PHLDB3: variants seen among roughly 807,000 people sequenced by gnomAD.
The protein encoded by PHLDB3 is pleckstrin homology-like domain family B member 3.
In PHLDB3, 86 loss-of-function variants were observed where a neutral mutation model predicts 85.7. The ratio of observed to expected loss-of-function variants is 1.00; its 90% CI spans 0.84 to 1.20. PHLDB3 has a LOEUF of 1.20. Ranked by LOEUF, PHLDB3 falls within the 50% of genes most tolerant of loss-of-function variation. PHLDB3 has a pLI of 0.00. For synonymous variants in PHLDB3, 376 were observed against 349.8 expected, an observed-to-expected ratio of 1.07 and a Z score of -0.83; for missense variants, 995 against 873.0, an observed-to-expected ratio of 1.14 and a Z score of -1.76.
chr19:43,497,328 C>T (rs769546267), intron 5 of PHLDB3, 49 bp from the exon 6 acceptor site: 2 of 1,339,982 alleles, frequency 1.5e-6, no homozygotes, highest in Non-Finnish European at 1.9e-6. Flanking sequence ...CCTAAGACCC[C>T]AGGGAGTAGT....
intron 9 of PHLDB3, among the ~76,000 whole-genome samples, chr19:43,494,063 C>T (rs1359945008): frequency 6.6e-6 from 1 of 152,140 alleles, no homozygotes; most frequent in East Asian, 1.9e-4. Flanking sequence ...GACAAAGTCT[C>T]ACTCTGTCGC....
intron 9 of PHLDB3, among the ~76,000 whole-genome samples, chr19:43,490,729 AC>A (rs1167003776): frequency 6.6e-6 from 1 of 152,070 alleles, no homozygotes; most frequent in Non-Finnish European, 1.5e-5. Flanking sequence ...GCACTGAGGA[AC>A]CAAGTGGGCA....
chr19:43,480,292 AGGAG>A (rs1238780345), intron 13 of PHLDB3, among the ~76,000 whole-genome samples: 1 of 126,604 alleles, frequency 7.9e-6, no homozygotes. Context: ...AAAAAAAAAA[AGGAG>A]AGAGAGAAGA....
Position 43,475,332 on chromosome 19 carries a change from G to C in PHLDB3, c.*78C>G. On this transcript the variant is annotated 3_prime_UTR_variant, in exon 16 of 16. Transcript: ENST00000292140. ...CGGTGCGTCCAAGTTTTCCGGCAGT[G>C]GGCGGGGCCTAGGAACGCCCCCGCG... 1 of 1,549,832 alleles carries C rather than the reference G, an allele frequency of 6.5e-7. No individual in the cohort carries two copies. Among genetic ancestry groups the C allele is most frequent in the South Asian group, 1.2e-5 (1 of 85,130 alleles).
chr19:43,502,611 G>A (rs1487434475), intron 2 of PHLDB3, among the ~76,000 whole-genome samples: 4 of 140,444 alleles, frequency 2.8e-5, no homozygotes, highest in African/African-American at 1.1e-4. Flanking sequence ...GCCACGCCAA[G>A]CTCTTTTTTT....
In PHLDB3 at chr19:43,502,218, C is replaced by A; in HGVS notation, c.279G>T (p.Gly93=). The change falls in exon 3 of 16, where the codon GGG becomes GGT. Residue 93 remains glycine (G), a synonymous_variant. Coordinates refer to ENST00000292140, the MANE Select transcript of PHLDB3 (RefSeq NM_198850.4). ...GCAGGCGCCGCGCCGCCCCTCGCAC[C>A]CCTTCCCGCGAAGAGGTGGATGCGG... is the stretch of plus-strand genomic sequence containing the variant. The part of the protein sequence containing the change: ...TPPASTSSRE[G]VRGAARRLQG... 1.3e-6 allele frequency: 2 copies of A among 1,564,758 alleles called. No individual in the cohort carries two copies. Among genetic ancestry groups the A allele is most frequent in the African/African-American group, 1.4e-5 (1 of 73,702 alleles).
rs1168390589 is a variant in PHLDB3 at position 43,502,090 on chromosome 19, C to T, written c.396+11G>A. 2 of 1,562,982 alleles carry T rather than the reference C, an allele frequency of 1.3e-6. No homozygotes were observed. The highest frequency in any genetic ancestry group is 4.8e-5 in the East Asian group (2 of 41,706). On this transcript the variant is annotated intron_variant, in intron 3 of 15. Transcript: ENST00000292140. Reference sequence around the variant, plus strand: ...TTGGGGCCAGGCTTCCCAAGGGGTCCGCAGCCTCACCTCGATCCTCAGCTC... The same window carrying T: ...TTGGGGCCAGGCTTCCCAAGGGGTCTGCAGCCTCACCTCGATCCTCAGCTC...
rs1179582577 is a variant in PHLDB3, at chr19:43,486,776, T to G, written c.1340+4A>C. The G allele has an allele frequency of 6.2e-7, 1 of 1,605,152 alleles. No individual in the cohort carries two copies. The highest frequency in any genetic ancestry group is 1.7e-5 in the Admixed American group (1 of 59,358). Reference sequence around the variant, plus strand: ...ATCTCCCCACCTTCTCTCTGATGTCTCACCTATTCCCACGGCCACAGTTCA... The same window carrying G: ...ATCTCCCCACCTTCTCTCTGATGTCGCACCTATTCCCACGGCCACAGTTCA... On this transcript the variant is annotated splice_donor_region_variant and intron_variant, in intron 11 of 15. Transcript: ENST00000292140.
intron 15 of PHLDB3, 24 bp from the exon 16 acceptor site, chr19:43,475,568 TAATTCA>T: frequency 6.2e-7 from 1 of 1,613,368 alleles, no homozygotes; most frequent in African/African-American, 1.3e-5. Context: ...AAAGTGAGGG[TAATTCA>T]GACAAAAGAC....
rs748251534 is a variant in PHLDB3 at position 43,503,943 on chromosome 19, A to G, written c.176T>C (p.Val59Ala). The change falls in exon 2 of 16, where the codon GTG becomes GCG. Residue 59 changes from valine to alanine, a missense_variant. Coordinates refer to ENST00000292140, the MANE Select transcript of PHLDB3 (RefSeq NM_198850.4). Reference protein sequence around the residue: ...GAEQQAEEEEVGEGSSTESSR... With the variant: ...GAEQQAEEEEAGEGSSTESSR... ...GCTCTCAGTGCTGCTGCCTTCTCCCACTTCTTCTTCCTCTGCCTGCTGCTC... is the reference window on the plus strand; with the variant it reads ...GCTCTCAGTGCTGCTGCCTTCTCCCGCTTCTTCTTCCTCTGCCTGCTGCTC... 2.5e-6 allele frequency: 4 copies of G among 1,613,116 alleles called. No individual in the cohort carries two copies. The highest frequency in any genetic ancestry group is 2.2e-5 in the South Asian group (2 of 91,044).
intron 9 of PHLDB3, among the ~76,000 whole-genome samples, chr19:43,490,042 A>AAAGG (rs143919159): frequency 0.075 from 11,119 of 147,558 alleles, 677 homozygotes; most frequent in East Asian, 0.3. Flanking sequence ...AGAGAGAGAA[A>AAAGG]AAGGAAGGAA....
intron 9 of PHLDB3, among the ~76,000 whole-genome samples, chr19:43,488,422 G>A (rs576012158): frequency 4.6e-5 from 7 of 151,872 alleles, no homozygotes; most frequent in South Asian, 4.2e-4. Context: ...GTGCCACTGC[G>A]CTCCAGTCTG....
intron 13 of PHLDB3, among the ~76,000 whole-genome samples, chr19:43,484,456 C>G (rs1381698851): frequency 6.6e-6 from 1 of 150,470 alleles, no homozygotes; most frequent in Non-Finnish European, 1.5e-5. Context: ...ACTTTTAATC[C>G]CAGCACTTTT....
At chr19:43,486,346 C>A in intron 12 of PHLDB3, 24 bp from the exon 13 acceptor site, 1 of 1,593,430 alleles carries the variant, frequency 6.3e-7, no homozygotes, top group Non-Finnish European at 8.5e-7. Context: ...ATGAAGCACT[C>A]AATGAGGATC....
At chr19:43,478,527 G>C (rs1264743025) in intron 14 of PHLDB3, among the ~76,000 whole-genome samples, 1 of 152,160 alleles carries the variant, frequency 6.6e-6, no homozygotes, top group East Asian at 1.9e-4. Context: ...AAGGCACCCA[G>C]CACAAGTCAC....
intron 8 of PHLDB3, 26 bp downstream of exon 8, chr19:43,495,230 C>T: frequency 6.2e-7 from 1 of 1,604,096 alleles, no homozygotes; most frequent in Non-Finnish European, 8.5e-7. Flanking sequence ...GGAGGAGGGA[C>T]TGAGAGGCAT....
At chr19:43,476,310 C>T (rs1466582314) in intron 15 of PHLDB3, among the ~76,000 whole-genome samples, 1 of 151,986 alleles carries the variant, frequency 6.6e-6, no homozygotes, top group Non-Finnish European at 1.5e-5. Context: ...TCTCAATAAC[C>T]CTGATGGAAT....
At position 43,502,280 on chromosome 19, in the gene PHLDB3, C is replaced by G; in HGVS notation, c.217G>C (p.Glu73Gln). The G allele has an allele frequency of 6.4e-7, 1 of 1,555,006 alleles. No individual in the cohort carries two copies. The highest frequency in any genetic ancestry group is 8.7e-7 in the Non-Finnish European group (1 of 1,154,760). The change falls in exon 3 of 16, where the codon GAG becomes CAG. Residue 73 changes from glutamate to glutamine, a missense_variant. Coordinates refer to ENST00000292140, the MANE Select transcript of PHLDB3 (RefSeq NM_198850.4). ...GCCATAGCTATCGGAGGCGTAGCCT[C>G]GGGCTGAAGTTGAGGGGGGCGTGGT... ...SSTESSRDAPEATPPIAMAAT... is the reference protein window; with the variant it reads ...SSTESSRDAPQATPPIAMAAT...
At chr19:43,495,145 G>A (rs557153244) in intron 8 of PHLDB3, 111 bp downstream of exon 8, 1 of 1,141,760 alleles carries the variant, frequency 8.8e-7, no homozygotes. Flanking sequence ...TCCTGGGTCT[G>A]AGGGAGGAGG....
Sources: allele counts gnomAD v4.1 joint callset (sites outside exome capture counted in the v4.1 genomes callset), GRCh38; gene constraint gnomAD v4.1.1; transcripts MANE v1.5; gene names NCBI Gene and HGNC (gene_info 2026-07-23, HGNC 2026-07-21).